The following TEX11 variants were observed in gnomAD, a reference collection of about 807,000 sequenced individuals.
TEX11 encodes testis expressed 11.
A neutral mutation model predicts 84.4 loss-of-function variants in TEX11; 7 were observed. That is an observed-to-expected ratio of 0.08 (90% CI 0.05 to 0.16). TEX11 has a LOEUF of 0.16. Ranked by LOEUF, TEX11 falls within the 10% of genes least tolerant of loss-of-function variation. The pLI is 1.00. For missense variants in TEX11, 551 were observed against 660.5 expected, an observed-to-expected ratio of 0.83 and a Z score of 1.82; for synonymous variants, 264 against 222.8, an observed-to-expected ratio of 1.18 and a Z score of -1.64.
intron 13 of TEX11, among the ~76,000 whole-genome samples, chrX:70,698,656 G>A (rs1470995464): frequency 1.8e-5 from 2 of 110,908 alleles, no homozygotes; most frequent in Non-Finnish European, 3.8e-5. Context: ...GCAAGGAGTA[G>A]AGGCCATTGA....
chrX:70,608,001 T>C (rs1330227870), intron 22 of TEX11, among the ~76,000 whole-genome samples: 1 of 112,524 alleles, frequency 8.9e-6, no homozygotes, highest in Non-Finnish European at 1.9e-5. Flanking sequence ...GAGGTTCATG[T>C]AGAATCAGTC....
At chrX:70,794,513 G>A (rs1012890072) in intron 9 of TEX11, among the ~76,000 whole-genome samples, 2 of 109,798 alleles carry the variant, frequency 1.8e-5, no homozygotes, top group African/African-American at 3.3e-5. Context: ...TGCCTACCCT[G>A]CCCCTCCCCC....
At chrX:70,793,745 T>G (rs1163921527) in intron 9 of TEX11, among the ~76,000 whole-genome samples, 1 of 110,868 alleles carries the variant, frequency 9.0e-6, no homozygotes, top group African/African-American at 3.3e-5. Context: ...ACGTACTATA[T>G]ATCCTAGCCA....
At position 70,553,332 on chromosome X, in the gene TEX11, T is replaced by C. The variant is rs2088243375; in HGVS notation, c.2373A>G (p.Glu791=). 8.3e-7 allele frequency: 1 copy of C among 1,206,016 alleles called. No homozygotes were observed. Among genetic ancestry groups the C allele is most frequent in the South Asian group, 1.8e-5 (1 of 56,166 alleles). ...TGTATTGTGATATATCAATTGGTTC[T>C]TCCTTTTTGTAGAGCAATAAAGCCT... ...LKKALLLYKK[E]EPIDISQYSK... Residue 791 remains glutamate (E), a synonymous_variant, in exon 27 of 30, where the codon GAA becomes GAG. Transcript: ENST00000374333.
chrX:70,651,791 A>T (rs1164682534), intron 16 of TEX11, among the ~76,000 whole-genome samples: 1 of 111,923 alleles, frequency 8.9e-6, no homozygotes, highest in Non-Finnish European at 1.9e-5. Flanking sequence ...AAACAACCAA[A>T]AATATTGGAT....
At chrX:70,895,121 T>G (rs950598900) in intron 2 of TEX11, among the ~76,000 whole-genome samples, 1 of 111,506 alleles carries the variant, frequency 9.0e-6, no homozygotes, top group African/African-American at 3.3e-5. Context: ...CATGATTGTA[T>G]ATTTAGACAA....
At chrX:70,856,130 T>C (rs1469802208) in intron 5 of TEX11, among the ~76,000 whole-genome samples, 2 of 111,693 alleles carry the variant, frequency 1.8e-5, no homozygotes, top group African/African-American at 6.5e-5. Context: ...CAAATGTCCA[T>C]CAAGGGAGGC....
intron 9 of TEX11, among the ~76,000 whole-genome samples, chrX:70,753,201 G>A (rs2090841885): frequency 1.0e-5 from 1 of 99,566 alleles, no homozygotes; most frequent in Non-Finnish European, 2.0e-5. Flanking sequence ...TTTGGGTGGG[G>A]GGGGTGGGCG....
intron 9 of TEX11, among the ~76,000 whole-genome samples, chrX:70,781,011 G>A (rs1309022341): frequency 1.8e-5 from 2 of 112,201 alleles, no homozygotes; most frequent in Non-Finnish European, 3.8e-5. Context: ...CCTCAAGTGG[G>A]TCCCTGACCC....
At chrX:70,822,282 AG>A (rs769876135) in intron 8 of TEX11, among the ~76,000 whole-genome samples, 15 of 111,288 alleles carry the variant, frequency 1.3e-4, no homozygotes, top group African/African-American at 4.9e-4. Flanking sequence ...TGTGGAACCC[AG>A]GGTCACAGAG....
At chrX:70,866,586 A>C (rs1214798408) in intron 4 of TEX11, among the ~76,000 whole-genome samples, 1 of 111,389 alleles carries the variant, frequency 9.0e-6, no homozygotes, top group Non-Finnish European at 1.9e-5. Context: ...TGGCAGAGAC[A>C]CAACAGAAAA....
At chrX:70,736,106 A>G (rs1456242297) in intron 11 of TEX11, among the ~76,000 whole-genome samples, 1 of 111,731 alleles carries the variant, frequency 9.0e-6, no homozygotes, top group African/African-American at 3.2e-5. Context: ...CCTTTGAAGC[A>G]AAAAAATTAA....
intron 3 of TEX11, among the ~76,000 whole-genome samples, chrX:70,876,324 AT>A (rs1899177394): frequency 9.0e-6 from 1 of 111,658 alleles, no homozygotes; most frequent in Admixed American, 9.6e-5. Flanking sequence ...TTTTGTATCC[AT>A]TTTTTTAAAC....
Position 70,853,304 on chromosome X carries a change from A to T in TEX11, c.349T>A (p.Trp117Arg). 2 of 1,203,127 alleles carry T rather than the reference A, an allele frequency of 1.7e-6. No individual in the cohort carries two copies. Among genetic ancestry groups the T allele is most frequent in the Non-Finnish European group, 2.3e-6 (2 of 888,004 alleles). The change falls in exon 6 of 30, where the codon TGG (tryptophan) becomes AGG (arginine). Residue 117 changes from tryptophan to arginine, a missense_variant. By Grantham distance (101) the Trp-to-Arg change is moderately radical. Coordinates refer to ENST00000374333, the MANE Select transcript of TEX11 (RefSeq NM_031276.3). ...IMMNMRIGKEWLDAGNFLIAD... is the reference protein window; with the variant it reads ...IMMNMRIGKERLDAGNFLIAD... ...ATTAGAAAATTTCCAGCATCCAACC[A>T]TTCTTTTCCTATTCTCATATTCATC...
At chrX:70,879,234 C>T (rs2091670830) in intron 3 of TEX11, among the ~76,000 whole-genome samples, 1 of 110,842 alleles carries the variant, frequency 9.0e-6, no homozygotes, top group South Asian at 3.8e-4. Context: ...TGCACAACAA[C>T]TCTGTGAAAT....
intron 2 of TEX11, among the ~76,000 whole-genome samples, chrX:70,891,751 G>A (rs906043997): frequency 5.4e-5 from 6 of 111,882 alleles, no homozygotes; most frequent in Admixed American, 2.9e-4. Flanking sequence ...TCCAACTTAC[G>A]ATTGATTGGT....
chrX:70,591,567 C>T (rs1258583820), intron 25 of TEX11, among the ~76,000 whole-genome samples, 184 bp downstream of exon 25: 1 of 110,682 alleles, frequency 9.0e-6, no homozygotes, highest in African/African-American at 3.3e-5. Flanking sequence ...CACATCACCG[C>T]GCTCCAGCCT....
chrX:70,526,958 A>G (rs986693567), downstream of TEX11, among the ~76,000 whole-genome samples: 1 of 112,178 alleles, frequency 8.9e-6, no homozygotes, highest in Non-Finnish European at 1.9e-5. Flanking sequence ...ATAAATAATG[A>G]TAATGGCTTA....
chrX:70,634,486 G>A (rs1234372174), intron 17 of TEX11, among the ~76,000 whole-genome samples: 1 of 111,684 alleles, frequency 9.0e-6, no homozygotes, highest in African/African-American at 3.3e-5. Flanking sequence ...ATAGTGTAAG[G>A]ATGGATTTGT....
Sources: allele counts gnomAD v4.1 joint callset (sites outside exome capture counted in the v4.1 genomes callset), GRCh38; gene constraint gnomAD v4.1.1; transcripts MANE v1.5; gene names NCBI Gene and HGNC (gene_info 2026-07-23, HGNC 2026-07-21).